Variants in SNX32 observed in about 807,000 individuals in gnomAD.
The protein encoded by SNX32 is sorting nexin-32.
A neutral mutation model predicts 57.0 loss-of-function variants in SNX32; 58 were observed. The observed-to-expected ratio is 1.02, with a 90% confidence interval of 0.82 to 1.27. The LOEUF (loss-of-function observed/expected upper bound fraction) is 1.27, where lower values mean the gene tolerates loss of function less well. Ranked by LOEUF, SNX32 falls within the 50% of genes most tolerant of loss-of-function variation. The pLI, the probability that SNX32 is intolerant of heterozygous loss-of-function variation, is 0.00. For missense variants in SNX32, 589 were observed against 541.2 expected (o/e 1.09, Z -0.88); for synonymous variants, 262 against 220.4 (o/e 1.19, Z -1.67).
chr11:65,835,264 A>G (rs946330846), intron 1 of SNX32, among the ~76,000 whole-genome samples: 3 of 138,008 alleles, frequency 2.2e-5, no homozygotes, highest in African/African-American at 8.1e-5. Context: ...ACAGATGGAA[A>G]GGGACCCGTC....
At chr11:65,849,641 C>G (rs1262496297) in intron 2 of SNX32, 59 bp downstream of exon 2, 7 of 1,343,702 alleles carry the variant, frequency 5.2e-6, no homozygotes, top group Non-Finnish European at 6.0e-6. Flanking sequence ...AGGCCTCCCC[C>G]AGGGGGTGGT....
At chr11:65,843,216 G>A (rs1392323781) in intron 1 of SNX32, among the ~76,000 whole-genome samples, 8 of 56,502 alleles carry the variant, frequency 1.4e-4, no homozygotes, top group Admixed American at 2.4e-4. Context: ...GCAAGACTCC[G>A]TCTCAAAAAA....
In SNX32 at chr11:65,852,747, T is replaced by C; in HGVS notation, c.1030T>C (p.Cys344Arg). ...VRPAESHQQL[C>R]CQRFERLSDS... ...GCCCGCCGAGAGCCACCAGCAGCTG[T>C]GCTGCCAACGCTTCGAGCGCCTCTC... The change falls in exon 11 of 13, where the codon TGC becomes CGC. Residue 344 changes from cysteine (C) to arginine (R), a missense_variant. Cys to Arg is a radical substitution (Grantham distance 180). Coordinates refer to ENST00000308342, the MANE Select transcript of SNX32 (RefSeq NM_152760.3). The C allele has an allele frequency of 1.9e-6, 3 of 1,607,396 alleles. No homozygotes were observed. The highest frequency in any genetic ancestry group is 2.5e-6 in the Non-Finnish European group (3 of 1,178,708).
intron 12 of SNX32, 136 bp from the exon 13 acceptor site, chr11:65,853,146 T>A: frequency 7.3e-7 from 1 of 1,362,504 alleles, no homozygotes; most frequent in Non-Finnish European, 1.0e-6. Flanking sequence ...GCCTTCTGGG[T>A]AGGAAGGCCC....
At position 65,849,460 on chromosome 11, in the gene SNX32, A is replaced by C. The variant is rs778313227; in HGVS notation, c.37-18A>C. 6.3e-7 allele frequency: 1 copy of C among 1,593,010 alleles called. No individual in the cohort carries two copies. Among genetic ancestry groups the C allele is most frequent in the South Asian group, 1.1e-5 (1 of 87,908 alleles). On this transcript the variant is annotated intron_variant, in intron 1 of 12. Coordinates refer to ENST00000308342, the MANE Select transcript of SNX32 (RefSeq NM_152760.3). ...GGGGCCATGCTCAGCCAGGCCAGAG[A>C]CCTCCCCTCCTCCGCAGCCTTCCTG...
Position 65,850,152 on chromosome 11 carries a change from C to T in SNX32, c.255C>T (p.Ile85=), listed in dbSNP as rs977163268. ...VENEEYAGLI[I]PPAPPRPDFE... is the part of the protein sequence containing the mutation. ...AGCTCCGTCCCTCCTTTGAGCAGAT[C>T]CCCCCAGCCCCTCCGAGGCCAGACT... is the stretch of plus-strand genomic sequence containing the variant. The change falls in exon 4 of 13, where the codon ATC becomes ATT. Residue 85 remains isoleucine, a splice_region_variant and synonymous_variant. Coordinates refer to ENST00000308342, the MANE Select transcript of SNX32 (RefSeq NM_152760.3). 6 of 1,613,992 alleles carry T rather than the reference C, an allele frequency of 3.7e-6. No individual in the cohort carries two copies. The highest frequency in any genetic ancestry group is 1.1e-5 in the South Asian group (1 of 91,078).
At chr11:65,846,687 T>TA (rs1242941406) in intron 1 of SNX32, among the ~76,000 whole-genome samples, 3 of 150,294 alleles carry the variant, frequency 2.0e-5, no homozygotes, top group Non-Finnish European at 4.4e-5. Flanking sequence ...CCGGAGTGTT[T>TA]AAAAAAATGT....
At chr11:65,834,558 CTG>C (rs1176244566) in intron 1 of SNX32, among the ~76,000 whole-genome samples, 2 of 146,940 alleles carry the variant, frequency 1.4e-5, no homozygotes, top group Non-Finnish European at 3.0e-5. Context: ...GTGTGTGTGT[CTG>C]TGTGTCTGTG....
chr11:65,834,358 TGTGTGTGTCTCA>T (rs747305569), intron 1 of SNX32, among the ~76,000 whole-genome samples: 12 of 150,694 alleles, frequency 8.0e-5, no homozygotes, highest in Non-Finnish European at 1.6e-4. Flanking sequence ...TCTGTGTGTC[TGTGTGTGTCTCA>T]GTGTGTGTCT....
In SNX32 at chr11:65,835,091, C is replaced by T. The variant is rs150400153; in HGVS notation, c.36+990C>T. Among the ~76,000 whole-genome samples, 458 of 145,966 alleles carry T rather than the reference C, an allele frequency of 3.1e-3. 2 individuals are homozygous for T. Among genetic ancestry groups the T allele is most frequent in the African/African-American group, 0.011 (448 of 39,340 alleles). On this transcript the variant is annotated intron_variant, in intron 1 of 12. Transcript: ENST00000308342. ...TGTGTGCGTGTGTCTGTGTTTGTCT[C>T]GTGTGTCTGTGTGTGTGTATGTGCC...
chr11:65,852,374 C>CT (rs1591041099), intron 9 of SNX32, 91 bp from the exon 10 acceptor site: 1 of 1,174,836 alleles, frequency 8.5e-7, no homozygotes, highest in Non-Finnish European at 1.3e-6. Flanking sequence ...CCTAAGGCTT[C>CT]TTTGCTGGAT....
chr11:65,842,935 G>T (rs1858883707), intron 1 of SNX32, among the ~76,000 whole-genome samples: 2 of 120,926 alleles, frequency 1.7e-5, no homozygotes, highest in South Asian at 5.7e-4. Flanking sequence ...AGCAACAAGA[G>T]CGAAACTCCA....
At chr11:65,845,205 C>T (rs1858957974) in intron 1 of SNX32, among the ~76,000 whole-genome samples, 1 of 150,542 alleles carries the variant, frequency 6.6e-6, no homozygotes, top group Non-Finnish European at 1.5e-5. Context: ...TTTGGGAGGC[C>T]GAGGCGGGCG....
Position 65,839,215 on chromosome 11 carries a change from A to ATT in SNX32, c.36+5120_36+5121dup, listed in dbSNP as rs1555032605. 4.3e-3 allele frequency among the ~76,000 whole-genome samples: 83 copies of ATT among 19,508 alleles called. 3 individuals carry two copies. The highest frequency in any genetic ancestry group is 7.1e-3 in the Non-Finnish European group (59 of 8,362). 12.8% of individuals were successfully genotyped at this position (19,508 alleles called of 152,430 possible). A position where few individuals can be genotyped will look rare whatever the true frequency, so the allele number is the denominator to read the frequency against. On this transcript the variant is annotated intron_variant, in intron 1 of 12. Coordinates refer to ENST00000308342, the MANE Select transcript of SNX32 (RefSeq NM_152760.3). ...AGCTGTGCCCCACCACGCCCAGCTA[A>ATT]TTTTTTTGTATTTTTTTTTTTTTTT... is the stretch of plus-strand genomic sequence containing the variant.
Position 65,851,365 on chromosome 11 carries a change from G to A in SNX32, c.747G>A (p.Leu249=). ...ADDYIPISAA[L]SSLGTQEVNQ... is the part of the protein sequence containing the mutation. ...ATTATATCCCTATCTCAGCTGCGCT[G>A]AGCAGTCTGGGAACACAGGAAGTCA... Residue 249 remains leucine, a synonymous_variant, in exon 8 of 13, where the codon CTG becomes CTA. Coordinates refer to ENST00000308342, the MANE Select transcript of SNX32 (RefSeq NM_152760.3). 2.5e-6 allele frequency: 4 copies of A among 1,614,168 alleles called. No homozygotes were observed. The East Asian group carries it at 6.7e-5, about 27-fold the overall frequency.
intron 1 of SNX32, among the ~76,000 whole-genome samples, chr11:65,841,556 A>C (rs910000405): frequency 1.4e-4 from 21 of 151,984 alleles, no homozygotes; most frequent in African/African-American, 4.4e-4. Context: ...TTCTATATAC[A>C]ATTAGAAGAT....
At chr11:65,841,037 CG>C (rs1179682300) in intron 1 of SNX32, among the ~76,000 whole-genome samples, 1 of 151,186 alleles carries the variant, frequency 6.6e-6, no homozygotes, top group Non-Finnish European at 1.5e-5. Context: ...CCTCTGCCTC[CG>C]GGTTCAAGGG....
intron 1 of SNX32, 53 bp from the exon 2 acceptor site, chr11:65,849,425 G>A: frequency 7.7e-6 from 11 of 1,425,490 alleles, no homozygotes; most frequent in Non-Finnish European, 9.7e-6. Flanking sequence ...GCAGGGCAAG[G>A]AAGGGCAAAG....
At chr11:65,852,410 C>T (rs1016767095) in intron 9 of SNX32, 55 bp from the exon 10 acceptor site, 1 of 1,478,790 alleles carries the variant, frequency 6.8e-7, no homozygotes, top group African/African-American at 1.4e-5. Flanking sequence ...TGCCTCCCAC[C>T]CCTTAGCTGC....
Sources: gnomAD v4.1 joint callset for allele counts (sites outside exome capture counted in the v4.1 genomes callset) on GRCh38, gnomAD v4.1.1 for gene constraint, MANE v1.5 for transcripts, NCBI Gene and HGNC (gene_info 2026-07-23, HGNC 2026-07-21) for gene names.